Variants in SPATA7 observed in about 807,000 individuals in gnomAD.
SPATA7 encodes the protein spermatogenesis associated 7.
A neutral mutation model predicts 51.8 loss-of-function variants in SPATA7; 43 were observed. The observed-to-expected ratio is 0.83, with a 90% CI of 0.65 to 1.07. The LOEUF is 1.07. Among genes scored for constraint, SPATA7 ranks in the 50% least tolerant of loss-of-function variants. The pLI is 0.00. For synonymous variants in SPATA7, 230 were observed against 252.8 expected (o/e 0.91, Z 0.86); for missense variants, 683 against 701.3 (o/e 0.97, Z 0.30).
downstream of SPATA7, among the ~76,000 whole-genome samples, chr14:88,458,704 G>GT (rs2140058467): frequency 6.6e-6 from 1 of 152,078 alleles, no homozygotes; most frequent in Admixed American, 6.5e-5. Context: ...TTTTTGAAGG[G>GT]TTTTTTGTGT....
chr14:88,444,892 G>C (rs540036021), intron 3 of SPATA7, among the ~76,000 whole-genome samples: 67 of 152,276 alleles, frequency 4.4e-4, no homozygotes, highest in African/African-American at 1.5e-3. Flanking sequence ...CTGTAGCCTT[G>C]TAGTATAGTA....
At chr14:88,391,165 T>TG (rs1415906481) in intron 1 of SPATA7, among the ~76,000 whole-genome samples, 8 of 152,202 alleles carry the variant, frequency 5.3e-5, no homozygotes, top group African/African-American at 1.9e-4. Context: ...CATCTCTGTT[T>TG]GGGGGATAAA....
At chr14:88,447,646 C>T (rs878903181) in intron 3 of SPATA7, among the ~76,000 whole-genome samples, 19 of 151,164 alleles carry the variant, frequency 1.3e-4, no homozygotes, top group African/African-American at 3.6e-4. Flanking sequence ...CCATGTTTAG[C>T]GCTTCCTTCA....
At chr14:88,454,207 C>G (rs899030532) in intron 3 of SPATA7, among the ~76,000 whole-genome samples, 1 of 152,168 alleles carries the variant, frequency 6.6e-6, no homozygotes, top group African/African-American at 2.4e-5. Flanking sequence ...AGGGGAGAAT[C>G]TGTTTCCTTG....
intron 1 of SPATA7, among the ~76,000 whole-genome samples, chr14:88,389,456 C>T (rs757058028): frequency 1.3e-5 from 2 of 152,110 alleles, no homozygotes; most frequent in Non-Finnish European, 2.9e-5. Context: ...CAGCCTGCCT[C>T]AGTCTCCCAA....
At chr14:88,408,404 G>A (rs145330407) in intron 4 of SPATA7, among the ~76,000 whole-genome samples, 1,819 of 151,694 alleles carry the variant, frequency 0.012, 16 homozygotes, top group Non-Finnish European at 0.02. Flanking sequence ...TGATTTGGCT[G>A]TCTGTCTGTT....
rs767005322 is a variant in SPATA7 at position 88,385,989 on chromosome 14, C to T, written c.19+152C>T. 2.7e-6 allele frequency: 4 copies of T among 1,503,134 alleles called. No individual in the cohort carries two copies. The African/African-American group carries it at 4.2e-5, about 16-fold the overall frequency. The allele number at this position is 1,503,134 out of a possible 1,614,324, so 93.1% of individuals were successfully genotyped here. A position where few individuals can be genotyped will look rare whatever the true frequency, so the allele number is the denominator to read the frequency against. On this transcript the variant is annotated intron_variant, in intron 1 of 11. Coordinates refer to ENST00000393545, the MANE Select transcript of SPATA7 (RefSeq NM_018418.5). ...CCAGTGTTGCCTGGAGCTGCCCAGGCCTGCGCAAAGGAAGAGGGAGAGCCT... is the reference window on the plus strand; with the variant it reads ...CCAGTGTTGCCTGGAGCTGCCCAGGTCTGCGCAAAGGAAGAGGGAGAGCCT...
At chr14:88,443,639 C>T (rs548349034) in intron 3 of SPATA7, among the ~76,000 whole-genome samples, 5 of 151,050 alleles carry the variant, frequency 3.3e-5, no homozygotes, top group Non-Finnish European at 7.4e-5. Flanking sequence ...CCCGACCCCA[C>T]GACCCCACAA....
downstream of SPATA7, among the ~76,000 whole-genome samples, chr14:88,456,692 G>A (rs2077286097): frequency 6.6e-6 from 1 of 151,518 alleles, no homozygotes; most frequent in Admixed American, 6.6e-5. Context: ...CACTCTGATG[G>A]TAGTTTCTTT....
chr14:88,397,644 A>G (rs1480783299), intron 4 of SPATA7, among the ~76,000 whole-genome samples: 1 of 134,760 alleles, frequency 7.4e-6, no homozygotes, highest in East Asian at 2.1e-4. Context: ...CTGTCTCAAG[A>G]AAAAAAAAAA....
chr14:88,415,673 G>A (rs1043170984), intron 4 of SPATA7, among the ~76,000 whole-genome samples: 5 of 151,978 alleles, frequency 3.3e-5, no homozygotes, highest in African/African-American at 1.2e-4. Context: ...TCTTGATTGC[G>A]TATTTGCTTT....
Position 88,385,667 on chromosome 14 carries a change from G to T in SPATA7, c.-152G>T. ...TCACAATAGCGACTCACTGGACCCA[G>T]CCCTTAGCAACGGCCTGGCAACGGT... On this transcript the variant is annotated 5_prime_UTR_variant, in exon 1 of 12. Coordinates refer to ENST00000393545, the MANE Select transcript of SPATA7 (RefSeq NM_018418.5). The T allele has an allele frequency of 1.3e-6, 1 of 766,352 alleles. No individual in the cohort carries two copies. The highest frequency in any genetic ancestry group is 2.3e-6 in the Non-Finnish European group (1 of 441,128). The allele number at this position is 766,352 out of a possible 1,614,324, so 47.5% of individuals were successfully genotyped here. A position where few individuals can be genotyped will look rare whatever the true frequency, so the allele number is the denominator to read the frequency against.
intron 5 of SPATA7, among the ~76,000 whole-genome samples, chr14:88,420,839 G>T (rs2139976611): frequency 6.6e-6 from 1 of 152,138 alleles, no homozygotes; most frequent in South Asian, 2.1e-4. Flanking sequence ...TAACAGGCTG[G>T]GTGTGGTGGC....
intron 4 of SPATA7, among the ~76,000 whole-genome samples, chr14:88,402,578 C>T (rs995633399): frequency 2.6e-5 from 4 of 152,076 alleles, no homozygotes; most frequent in African/African-American, 9.7e-5. Flanking sequence ...CTCTGGGAAA[C>T]CTGGATAGTC....
At chr14:88,431,513 C>A (rs1433585317) in intron 9 of SPATA7, among the ~76,000 whole-genome samples, 1 of 152,074 alleles carries the variant, frequency 6.6e-6, no homozygotes, top group Non-Finnish European at 1.5e-5. Context: ...TTATTGTTAA[C>A]CATGGTAGTC....
intron 5 of SPATA7, among the ~76,000 whole-genome samples, chr14:88,417,703 A>G (rs1409781039): frequency 1.3e-5 from 2 of 152,146 alleles, no homozygotes; most frequent in Non-Finnish European, 2.9e-5. Flanking sequence ...GTCATGGTAC[A>G]TTACCTTTTT....
At chr14:88,396,307 A>G (rs1595183490) in intron 4 of SPATA7, 104 bp downstream of exon 4, 1 of 760,610 alleles carries the variant, frequency 1.3e-6, no homozygotes, top group Non-Finnish European at 2.3e-6. Context: ...CCAGTTCAAT[A>G]TTAAGTACAT....
intron 4 of SPATA7, among the ~76,000 whole-genome samples, chr14:88,465,462 G>A (rs890640379): frequency 7.2e-5 from 11 of 152,076 alleles, no homozygotes; most frequent in African/African-American, 2.4e-4. Flanking sequence ...GCAAGACTCC[G>A]TCTCAAAAAT....
rs115518632 is a variant in SPATA7 at position 88,425,016 on chromosome 14, T to G, written c.373-1216T>G. Among the ~76,000 whole-genome samples, 320 of 152,272 alleles carry G rather than the reference T, an allele frequency of 2.1e-3. 4 individuals are homozygous for G. The highest frequency in any genetic ancestry group is 7.3e-3 in the African/African-American group (302 of 41,560). ...AAAAAAAATCTAAAATCATATAATTTTCAAATAAGTTTTTAAGTAGACAAT... is the reference window on the plus strand; with the variant it reads ...AAAAAAAATCTAAAATCATATAATTGTCAAATAAGTTTTTAAGTAGACAAT... On this transcript the variant is annotated intron_variant, in intron 5 of 11. Transcript: ENST00000393545.
Sources: allele counts gnomAD v4.1 joint callset (sites outside exome capture counted in the v4.1 genomes callset), GRCh38; gene constraint gnomAD v4.1.1; transcripts MANE v1.5; gene names NCBI Gene and HGNC (gene_info 2026-07-23, HGNC 2026-07-21).